The following PTPRD variants were observed in gnomAD, a reference collection of about 807,000 sequenced individuals.
PTPRD encodes receptor-type tyrosine-protein phosphatase delta.
A neutral mutation model predicts 214.5 loss-of-function variants in PTPRD; 34 were observed. The ratio of observed to expected loss-of-function variants is 0.16; its 90% CI spans 0.12 to 0.21. The LOEUF (loss-of-function observed/expected upper bound fraction) is 0.21. PTPRD is among the 10% of genes least tolerant of loss of function. The pLI is 1.00. For missense variants in PTPRD, 2,545 were observed against 2,398.7 expected (o/e 1.06, Z -1.27); for synonymous variants, 1,128 against 845.7 (o/e 1.33, Z -5.79).
chr9:10,445,045 A>G (rs1008462266), intron 2 of PTPRD, among the ~76,000 whole-genome samples: 1 of 151,986 alleles, frequency 6.6e-6, no homozygotes, highest in Non-Finnish European at 1.5e-5. Context: ...ATATTAGGAA[A>G]AAGCAAAGGT....
At position 10,369,828 on chromosome 9, in the gene PTPRD, A is replaced by G. The variant is rs563847079; in HGVS notation, c.-599-28811T>C. 1.3e-3 allele frequency among the ~76,000 whole-genome samples: 193 copies of G among 152,236 alleles called. 3 individuals carry two copies. Among genetic ancestry groups the G allele is most frequent in the Middle Eastern group, 3.4e-3 (1 of 294 alleles). ...TAGAATTTTTTAATGAATAAAAAAT[A>G]CCTATCTCTCGGTTAAGTTTTAAGA... On this transcript the variant is annotated intron_variant, in intron 2 of 45. Transcript: ENST00000381196.
At chr9:8,939,336 C>G (rs2099016974) in intron 11 of PTPRD, among the ~76,000 whole-genome samples, 1 of 152,098 alleles carries the variant, frequency 6.6e-6, no homozygotes, top group Admixed American at 6.6e-5. Flanking sequence ...TGGAATCACT[C>G]TAAAGTCTTT....
intron 3 of PTPRD, among the ~76,000 whole-genome samples, chr9:10,255,244 A>C (rs2093156550): frequency 6.6e-6 from 1 of 152,172 alleles, no homozygotes; most frequent in Non-Finnish European, 1.5e-5. Flanking sequence ...TTTATTCTCT[A>C]TGTGAACATC....
At chr9:10,251,351 T>A (rs1459541083) in intron 3 of PTPRD, among the ~76,000 whole-genome samples, 2 of 151,950 alleles carry the variant, frequency 1.3e-5, no homozygotes, top group Non-Finnish European at 2.9e-5. Flanking sequence ...CAAGGTCATA[T>A]GGCTAAATAG....
chr9:10,171,958 A>G (rs944195031), intron 3 of PTPRD, among the ~76,000 whole-genome samples: 4 of 152,138 alleles, frequency 2.6e-5, no homozygotes, highest in African/African-American at 9.7e-5. Flanking sequence ...ATGGTGTTAT[A>G]TTTTCCTTGG....
At chr9:9,439,952 T>G (rs896636707) in intron 8 of PTPRD, among the ~76,000 whole-genome samples, 3 of 152,194 alleles carry the variant, frequency 2.0e-5, no homozygotes, top group African/African-American at 7.2e-5. Context: ...AAACCCAGCC[T>G]ATTTATGACC....
chr9:10,104,997 T>C (rs1410290932), intron 3 of PTPRD, among the ~76,000 whole-genome samples: 1 of 151,806 alleles, frequency 6.6e-6, no homozygotes, highest in African/African-American at 2.4e-5. Flanking sequence ...CCTTTGTATA[T>C]CTGGGAAAAG....
At chr9:9,525,123 C>G (rs1488009183) in intron 8 of PTPRD, among the ~76,000 whole-genome samples, 1 of 152,196 alleles carries the variant, frequency 6.6e-6, no homozygotes, top group African/African-American at 2.4e-5. Context: ...TCCCAAAGTG[C>G]TGGGATTACA....
intron 10 of PTPRD, among the ~76,000 whole-genome samples, chr9:9,162,388 C>A (rs923843290): frequency 6.6e-6 from 1 of 152,114 alleles, no homozygotes; most frequent in Non-Finnish European, 1.5e-5. Flanking sequence ...TCCATCTTCC[C>A]CCTCAGATCC....
intron 8 of PTPRD, among the ~76,000 whole-genome samples, chr9:9,506,722 C>T (rs1281226869): frequency 6.6e-6 from 1 of 151,294 alleles, no homozygotes; most frequent in Non-Finnish European, 1.5e-5. Flanking sequence ...TGGAAAAGCA[C>T]ATTAAGAAGT....
chr9:9,589,236 G>C (rs12235904), intron 7 of PTPRD, among the ~76,000 whole-genome samples: 2,287 of 151,858 alleles, frequency 0.015, 112 homozygotes, highest in Admixed American at 0.094. Flanking sequence ...GCACATAGTA[G>C]CATACAGCAG....
chr9:9,558,769 C>G (rs973831696), intron 8 of PTPRD, among the ~76,000 whole-genome samples: 1 of 152,144 alleles, frequency 6.6e-6, no homozygotes, highest in Non-Finnish European at 1.5e-5. Flanking sequence ...AGACAAAAGT[C>G]CAGGCAGAAG....
intron 4 of PTPRD, among the ~76,000 whole-genome samples, chr9:10,031,539 C>G (rs562441190): frequency 6.7e-6 from 1 of 150,346 alleles, no homozygotes; most frequent in Non-Finnish European, 1.5e-5. Context: ...TTGTGAGACT[C>G]GGACTGGCTC....
At chr9:8,614,715 G>C (rs532125349) in intron 14 of PTPRD, among the ~76,000 whole-genome samples, 1 of 152,076 alleles carries the variant, frequency 6.6e-6, no homozygotes, top group Non-Finnish European at 1.5e-5. Context: ...GAGACAAAAT[G>C]ACAAAATGAG....
chr9:10,494,845 A>G (rs552670240), intron 2 of PTPRD, among the ~76,000 whole-genome samples: 16 of 151,554 alleles, frequency 1.1e-4, no homozygotes, highest in Non-Finnish European at 2.2e-4. Flanking sequence ...ATTCCTAAAA[A>G]TTCTAGTATT....
Position 9,998,129 on chromosome 9 carries a change from A to ATATATATATATATAT in PTPRD, c.-472+35588_-472+35589insATATATATATATATA, listed in dbSNP as rs1555449230. On this transcript the variant is annotated intron_variant, in intron 4 of 45. Transcript: ENST00000381196. ...TTAAAGTATAATAAAAAAAAAAAAA[A>ATATATATATATATAT]ATATATATATATATATAAAAGAAGA... Among the ~76,000 whole-genome samples, 163 of 91,432 alleles carry ATATATATATATATAT rather than the reference A, an allele frequency of 1.8e-3. 1 individual carries two copies. Among genetic ancestry groups the ATATATATATATATAT allele is most frequent in the African/African-American group, 7.1e-3 (121 of 16,970 alleles). The allele number at this position is 91,432 out of a possible 152,430, so 60.0% of individuals were successfully genotyped here.
chr9:9,655,556 G>A (rs1238728598), intron 7 of PTPRD, among the ~76,000 whole-genome samples: 2 of 151,450 alleles, frequency 1.3e-5, no homozygotes, highest in Non-Finnish European at 2.9e-5. Context: ...GTGATAAAAT[G>A]AGACTCCATC....
intron 8 of PTPRD, among the ~76,000 whole-genome samples, chr9:9,554,794 G>A (rs1486660553): frequency 6.6e-6 from 1 of 151,982 alleles, no homozygotes; most frequent in Non-Finnish European, 1.5e-5. Context: ...AATGGAATTT[G>A]CCCCATAATG....
intron 2 of PTPRD, among the ~76,000 whole-genome samples, chr9:10,449,267 C>A (rs1422007247): frequency 6.6e-6 from 1 of 151,900 alleles, no homozygotes; most frequent in Non-Finnish European, 1.5e-5. Flanking sequence ...TCTCCAGCTC[C>A]TGACGGCGAG....
Sources: allele counts gnomAD v4.1 joint callset (sites outside exome capture counted in the v4.1 genomes callset), GRCh38; gene constraint gnomAD v4.1.1; transcripts MANE v1.5; gene names NCBI Gene and HGNC (gene_info 2026-07-23, HGNC 2026-07-21).